Variants in TRPM3 observed in about 807,000 individuals in gnomAD.
The protein encoded by TRPM3 is long transient receptor potential channel 3.
Under a neutral mutation model 181.2 loss-of-function variants are expected in TRPM3, and 77 were observed. That is an observed-to-expected ratio of 0.42 (90% confidence interval 0.35 to 0.51). TRPM3 has a LOEUF of 0.51. TRPM3 is among the 20% of genes least tolerant of loss of function. The pLI, the probability that TRPM3 is intolerant of heterozygous loss-of-function variation, is 0.01. For missense variants in TRPM3, 1,759 were observed against 2,196.7 expected (o/e 0.80, Z 3.98); for synonymous variants, 745 against 796.4 (o/e 0.94, Z 1.09).
chr9:70,988,350 T>C (rs1046878233), intron 1 of TRPM3, among the ~76,000 whole-genome samples: 1 of 152,178 alleles, frequency 6.6e-6, no homozygotes, highest in Non-Finnish European at 1.5e-5. Flanking sequence ...CTGTGTAACC[T>C]AAGAAGCCTT....
At chr9:70,669,286 G>A (rs147313264) in intron 9 of TRPM3, among the ~76,000 whole-genome samples, 75 of 152,352 alleles carry the variant, frequency 4.9e-4, no homozygotes, top group Non-Finnish European at 9.3e-4. Context: ...ATTTCACAGT[G>A]AGACAATATT....
At chr9:71,388,320 T>A (rs2092976533) in intron 1 of TRPM3, among the ~76,000 whole-genome samples, 1 of 152,162 alleles carries the variant, frequency 6.6e-6, no homozygotes, top group African/African-American at 2.4e-5. Flanking sequence ...TTATTTTCAA[T>A]CACTTCTGTC....
chr9:70,663,976 G>A (rs1447106748), intron 9 of TRPM3, among the ~76,000 whole-genome samples: 1 of 152,156 alleles, frequency 6.6e-6, no homozygotes, highest in Non-Finnish European at 1.5e-5. Flanking sequence ...ATAAAATGAT[G>A]TCAATAATAT....
intron 1 of TRPM3, among the ~76,000 whole-genome samples, chr9:71,080,439 TAAGAAGGGAAG>T (rs1300909303): frequency 2.0e-5 from 3 of 152,282 alleles, no homozygotes; most frequent in African/African-American, 7.2e-5. Context: ...ATCCCCAAAC[TAAGAAGGGAAG>T]CCTTGTTCTT....
At chr9:70,647,735 AAG>A (rs2059084214) in intron 9 of TRPM3, among the ~76,000 whole-genome samples, 1 of 152,170 alleles carries the variant, frequency 6.6e-6, no homozygotes, top group Non-Finnish European at 1.5e-5. Flanking sequence ...TCCCAATAGG[AAG>A]AGAGGAAGTC....
At chr9:70,844,324 C>T (rs550870225) in intron 4 of TRPM3, among the ~76,000 whole-genome samples, 79 of 152,216 alleles carry the variant, frequency 5.2e-4, no homozygotes, top group Non-Finnish European at 1.1e-3. Flanking sequence ...AATAACAAAA[C>T]GGTGTAAATG....
chr9:71,245,141 AAGG>A (rs1322559843), intron 1 of TRPM3, among the ~76,000 whole-genome samples: 1 of 152,086 alleles, frequency 6.6e-6, no homozygotes, highest in African/African-American at 2.4e-5. Flanking sequence ...GTGTCAGATC[AAGG>A]AGGAGTATAA....
At chr9:71,287,470 CAG>C (rs2085394994) in intron 1 of TRPM3, among the ~76,000 whole-genome samples, 1 of 151,828 alleles carries the variant, frequency 6.6e-6, no homozygotes, top group Non-Finnish European at 1.5e-5. Flanking sequence ...CTCATGGTAA[CAG>C]ATAAGATGTT....
At chr9:70,781,234 A>G (rs1274086207) in intron 7 of TRPM3, among the ~76,000 whole-genome samples, 1 of 150,194 alleles carries the variant, frequency 6.7e-6, no homozygotes, top group Non-Finnish European at 1.5e-5. Context: ...CGGAGGAAGG[A>G]GAATGGGGTA....
At chr9:71,123,694 G>A (rs2073865406), upstream of TRPM3, among the ~76,000 whole-genome samples, 1 of 152,208 alleles carries the variant, frequency 6.6e-6, no homozygotes, top group Non-Finnish European at 1.5e-5. Flanking sequence ...AGGAAGGTGG[G>A]AGACTGCAAG....
chr9:70,877,366 G>T (rs1426352729), intron 1 of TRPM3, among the ~76,000 whole-genome samples: 2 of 152,108 alleles, frequency 1.3e-5, no homozygotes, highest in Admixed American at 6.6e-5. Flanking sequence ...TTATAAGTTA[G>T]TCTTTAATCT....
intron 1 of TRPM3, among the ~76,000 whole-genome samples, chr9:70,999,323 G>T (rs891495944): frequency 6.6e-6 from 1 of 152,190 alleles, no homozygotes; most frequent in African/African-American, 2.4e-5. Context: ...ACAATTTCTT[G>T]TTCAACCTCC....
chr9:70,897,982 G>A (rs982790290), intron 1 of TRPM3, among the ~76,000 whole-genome samples: 3 of 152,150 alleles, frequency 2.0e-5, no homozygotes, highest in Admixed American at 1.3e-4. Flanking sequence ...AATTTCTGGA[G>A]CTTGCCTAGC....
At chr9:70,540,570 T>C (rs1322535858) in intron 25 of TRPM3, among the ~76,000 whole-genome samples, 2 of 152,198 alleles carry the variant, frequency 1.3e-5, no homozygotes, top group African/African-American at 4.8e-5. Flanking sequence ...AAAAGCCATG[T>C]GTCCCTATAG....
At chr9:71,446,321 C>G (rs1403618366) in intron 1 of TRPM3, among the ~76,000 whole-genome samples, 3 of 152,186 alleles carry the variant, frequency 2.0e-5, no homozygotes, top group African/African-American at 7.2e-5. Context: ...GGAACGTACA[C>G]AGGAGTCACA....
At chr9:71,308,569 C>A (rs574052134) in intron 1 of TRPM3, among the ~76,000 whole-genome samples, 9 of 152,178 alleles carry the variant, frequency 5.9e-5, no homozygotes, top group Admixed American at 2.6e-4. Context: ...TAATCATTTT[C>A]TTTTTGTAGG....
chr9:71,334,117 C>G (rs1315255404), intron 1 of TRPM3, among the ~76,000 whole-genome samples: 1 of 151,678 alleles, frequency 6.6e-6, no homozygotes, highest in Non-Finnish European at 1.5e-5. Flanking sequence ...AACATGCCAA[C>G]AGAGATGGTA....
At position 70,530,983 on chromosome 9, in the gene TRPM3, C is replaced by G. The variant is rs975616968; in HGVS notation, c.*4970G>C. On this transcript the variant is annotated 3_prime_UTR_variant, in exon 26 of 26. Transcript: ENST00000677713. ...GTGCTTCATCAGACACCCAAACACACGCCTCCCACCCCCAAGGTGAAGAAG... is the reference window on the plus strand; with the variant it reads ...GTGCTTCATCAGACACCCAAACACAGGCCTCCCACCCCCAAGGTGAAGAAG... 2.0e-5 allele frequency: 3 copies of G among 152,218 alleles called. No homozygotes were observed. The highest frequency in any genetic ancestry group is 4.4e-5 in the Non-Finnish European group (3 of 68,056). 9.4% of individuals were successfully genotyped at this position (152,218 alleles called of 1,614,324 possible). A position where few individuals can be genotyped will look rare whatever the true frequency, so the allele number is the denominator to read the frequency against.
At chr9:70,995,113 T>TGC (rs2097529853) in intron 1 of TRPM3, among the ~76,000 whole-genome samples, 1 of 152,148 alleles carries the variant, frequency 6.6e-6, no homozygotes, top group Non-Finnish European at 1.5e-5. Flanking sequence ...TGTGTGTGTG[T>TGC]GCATGTAATC....
Sources: gnomAD v4.1 joint callset for allele counts (sites outside exome capture counted in the v4.1 genomes callset) on GRCh38, gnomAD v4.1.1 for gene constraint, MANE v1.5 for transcripts, NCBI Gene and HGNC (gene_info 2026-07-23, HGNC 2026-07-21) for gene names.